FAM193A: variants seen among roughly 807,000 people sequenced by gnomAD.
FAM193A encodes protein FAM193A.
FAM193A carries 22 observed loss-of-function variants against 126.5 expected under a neutral mutation model. The ratio of observed to expected loss-of-function variants is 0.17; its 90% confidence interval spans 0.12 to 0.25. The LOEUF (loss-of-function observed/expected upper bound fraction) is 0.25, where lower values mean the gene tolerates loss of function less well. Among genes scored for constraint, FAM193A ranks in the 10% least tolerant of loss-of-function variants. The probability of loss-of-function intolerance (pLI) is 1.00; values close to 1 mark genes in which losing one functional copy is unlikely to be tolerated. For synonymous variants in FAM193A, 761 were observed against 646.8 expected (o/e 1.18, Z -2.68); for missense variants, 1,675 against 1,672.8 (o/e 1.00, Z -0.02).
At chr4:2,652,773 C>A (rs1164953938) in intron 7 of FAM193A, among the ~76,000 whole-genome samples, 2 of 152,082 alleles carry the variant, frequency 1.3e-5, no homozygotes, top group African/African-American at 2.4e-5. Flanking sequence ...CTTCATGTAT[C>A]GATATAAGTT....
chr4:2,598,183 G>A (rs949169662), intron 2 of FAM193A, among the ~76,000 whole-genome samples: 2 of 152,172 alleles, frequency 1.3e-5, no homozygotes. Flanking sequence ...ATGAGCCACC[G>A]CGCCTGGCCT....
intron 1 of FAM193A, among the ~76,000 whole-genome samples, chr4:2,589,407 C>A (rs1740399928): frequency 6.6e-6 from 1 of 152,116 alleles, no homozygotes; most frequent in Non-Finnish European, 1.5e-5. Flanking sequence ...AAAAGTAAAT[C>A]CTTCAGAGTT....
intron 17 of FAM193A, among the ~76,000 whole-genome samples, chr4:2,695,587 G>A (rs1339212715): frequency 6.6e-6 from 1 of 152,074 alleles, no homozygotes; most frequent in African/African-American, 2.4e-5. Context: ...GAATAGCAGG[G>A]GCTTATAGTT....
chr4:2,571,018 C>T (rs964674247), intron 1 of FAM193A, among the ~76,000 whole-genome samples: 1 of 152,180 alleles, frequency 6.6e-6, no homozygotes, highest in Non-Finnish European at 1.5e-5. Context: ...GTGTGGGCAG[C>T]TGTCTGTGCT....
intron 15 of FAM193A, among the ~76,000 whole-genome samples, chr4:2,691,764 A>ACCC (rs1356349470): frequency 7.5e-5 from 10 of 134,208 alleles, no homozygotes; most frequent in Non-Finnish European, 3.2e-5. Flanking sequence ...ACATAGTGAG[A>ACCC]CCCCGTCTCT....
chr4:2,628,591 C>T (rs757328518), intron 4 of FAM193A, among the ~76,000 whole-genome samples: 2 of 152,150 alleles, frequency 1.3e-5, no homozygotes, highest in South Asian at 2.1e-4. Context: ...GAGCTAGGAT[C>T]GCTCCACTGC....
chr4:2,699,386 C>G (rs1478953119), intron 18 of FAM193A, among the ~76,000 whole-genome samples: 1 of 148,876 alleles, frequency 6.7e-6, no homozygotes, highest in Non-Finnish European at 1.5e-5. Context: ...TCCTTGGTTA[C>G]TGTGTTTAGT....
intron 1 of FAM193A, among the ~76,000 whole-genome samples, chr4:2,580,918 A>G (rs933156908): frequency 5.3e-5 from 8 of 152,230 alleles, no homozygotes; most frequent in Non-Finnish European, 8.8e-5. Flanking sequence ...TCACAAGGTC[A>G]GGAGATCTAG....
intron 1 of FAM193A, among the ~76,000 whole-genome samples, chr4:2,559,989 A>T (rs1260233666): frequency 7.0e-6 from 1 of 142,588 alleles, no homozygotes; most frequent in Non-Finnish European, 1.5e-5. Context: ...ATGGAGTTTC[A>T]CTCTTGTTGC....
intron 20 of FAM193A, among the ~76,000 whole-genome samples, chr4:2,721,676 TC>T (rs1365057157): frequency 4.0e-5 from 6 of 151,784 alleles, no homozygotes; most frequent in Non-Finnish European, 8.8e-5. Context: ...GCGACGGGAG[TC>T]CCTAACCACT....
intron 19 of FAM193A, among the ~76,000 whole-genome samples, chr4:2,705,868 G>A (rs889069795): frequency 3.3e-5 from 5 of 151,940 alleles, no homozygotes; most frequent in African/African-American, 7.3e-5. Flanking sequence ...GATCACAGAC[G>A]TGAGCTACCA....
At chr4:2,608,402 C>T (rs1227276858) in intron 2 of FAM193A, among the ~76,000 whole-genome samples, 2 of 152,178 alleles carry the variant, frequency 1.3e-5, no homozygotes, top group African/African-American at 4.8e-5. Context: ...TGGTCTCAAA[C>T]TCCTGGGCTC....
At chr4:2,730,281 A>G (rs1220699587) in intron 20 of FAM193A, among the ~76,000 whole-genome samples, 6 of 152,246 alleles carry the variant, frequency 3.9e-5, no homozygotes, top group Non-Finnish European at 8.8e-5. Flanking sequence ...TTGCCTGGCT[A>G]AGACCTGACA....
intron 1 of FAM193A, 48 bp from the exon 2 acceptor site, chr4:2,596,036 G>A (rs1383795993): frequency 1.5e-6 from 1 of 666,486 alleles, no homozygotes; most frequent in Non-Finnish European, 2.7e-6. Context: ...AATATTCTTG[G>A]CTTTGTAGAT....
At chr4:2,583,939 C>T (rs1157934385) in intron 1 of FAM193A, among the ~76,000 whole-genome samples, 2 of 152,052 alleles carry the variant, frequency 1.3e-5, no homozygotes, top group African/African-American at 4.8e-5. Flanking sequence ...ACAGAAGCAG[C>T]CATGTCTTGA....
intron 4 of FAM193A, among the ~76,000 whole-genome samples, chr4:2,628,173 C>T (rs1016433789): frequency 5.3e-5 from 8 of 152,284 alleles, no homozygotes; most frequent in East Asian, 1.9e-4. Context: ...CGTGAGCCAC[C>T]GCGCCCCGCC....
intron 2 of FAM193A, among the ~76,000 whole-genome samples, chr4:2,615,668 G>A (rs1209126436): frequency 1.3e-5 from 2 of 151,854 alleles, no homozygotes; most frequent in East Asian, 3.9e-4. Context: ...ACAGGCGTGC[G>A]CCACCACGCC....
chr4:2,637,956 T>C (rs924947585), intron 5 of FAM193A, among the ~76,000 whole-genome samples: 22 of 152,240 alleles, frequency 1.4e-4, no homozygotes, highest in African/African-American at 5.3e-4. Flanking sequence ...AGGTGTAATT[T>C]TAGGTTTTAT....
chr4:2,645,034 ATG>A (rs3221482), intron 6 of FAM193A, among the ~76,000 whole-genome samples: 62,711 of 149,214 alleles, frequency 0.42, 13,391 homozygotes, highest in Admixed American at 0.57. Context: ...ATATACATGA[ATG>A]TGTGTGTGTG....
Sources: gnomAD v4.1 joint callset for allele counts (sites outside exome capture counted in the v4.1 genomes callset) on GRCh38, gnomAD v4.1.1 for gene constraint, MANE v1.5 for transcripts, NCBI Gene and HGNC (gene_info 2026-07-23, HGNC 2026-07-21) for gene names.